UNC13C: variants seen among roughly 807,000 people sequenced by gnomAD.
The protein encoded by UNC13C is unc-13 homolog C, also known as protein unc-13 homolog C.
UNC13C carries 174 observed loss-of-function variants against 245.4 expected under a neutral mutation model. The ratio of observed to expected loss-of-function variants is 0.71; its 90% CI spans 0.63 to 0.80. The LOEUF is 0.80. Ranked by LOEUF, UNC13C falls within the 30% of genes least tolerant of loss-of-function variation. The pLI, the probability that UNC13C is intolerant of heterozygous loss-of-function variation, is 0.00. For missense variants in UNC13C, 2,829 were observed against 2,602.9 expected (o/e 1.09, Z -1.89); for synonymous variants, 992 against 895.1 (o/e 1.11, Z -1.93).
rs147709671 is a variant in UNC13C, at chr15:54,295,042, A to C, written c.3988+978A>C. Among the ~76,000 whole-genome samples, 8 of 152,266 alleles carry C rather than the reference A, an allele frequency of 5.3e-5. No homozygotes were observed. In the East Asian group the frequency reaches 1.5e-3, roughly 29 times the overall value. ...GTTAAACTAAGAACTAATTATTAAA[A>C]CTATCTTAAGAAATCTTCCTTAAAG... On this transcript the variant is annotated intron_variant, in intron 11 of 32. Transcript: ENST00000260323.
At chr15:54,398,786 T>C (rs2040122181) in intron 18 of UNC13C, among the ~76,000 whole-genome samples, 1 of 151,452 alleles carries the variant, frequency 6.6e-6, no homozygotes. Flanking sequence ...TTTTTATGTC[T>C]ATTAAATCTG....
chr15:54,424,739 A>G (rs1231030343), intron 19 of UNC13C, among the ~76,000 whole-genome samples: 1 of 151,760 alleles, frequency 6.6e-6, no homozygotes, highest in Non-Finnish European at 1.5e-5. Flanking sequence ...TGGCATTTTT[A>G]GAATCATAGT....
At chr15:54,029,120 T>A (rs1896247982) in intron 2 of UNC13C, among the ~76,000 whole-genome samples, 1 of 152,218 alleles carries the variant, frequency 6.6e-6, no homozygotes, top group African/African-American at 2.4e-5. Flanking sequence ...TTGTGATTAT[T>A]TTTGGGTTTG....
At chr15:53,892,455 T>A in the UNC13C span, among the ~76,000 whole-genome samples, 1 of 152,226 alleles carries the variant, frequency 6.6e-6, no homozygotes, top group African/African-American at 2.4e-5. Context: ...TCCTGGATAA[T>A]ATCCTGAAGA....
chr15:54,177,664 G>A (rs1188579026), intron 4 of UNC13C, among the ~76,000 whole-genome samples: 1 of 152,052 alleles, frequency 6.6e-6, no homozygotes, highest in African/African-American at 2.4e-5. Flanking sequence ...TTTTATGTAG[G>A]CATGATATGT....
At chr15:53,928,148 G>A in the UNC13C span, among the ~76,000 whole-genome samples, 2,546 of 152,214 alleles carry the variant, frequency 0.017, 110 homozygotes, top group East Asian at 0.14. Context: ...GTGTGAAGTG[G>A]GAAATCAGGG....
At chr15:54,557,103 T>C (rs1287553437) in intron 29 of UNC13C, among the ~76,000 whole-genome samples, 1 of 152,182 alleles carries the variant, frequency 6.6e-6, no homozygotes, top group East Asian at 1.9e-4. Flanking sequence ...TAATTCAGTC[T>C]CAGACACCAG....
chr15:54,186,458 CTG>C (rs2033987275), intron 4 of UNC13C, among the ~76,000 whole-genome samples: 1 of 152,108 alleles, frequency 6.6e-6, no homozygotes, highest in East Asian at 1.9e-4. Context: ...CACAAAATAA[CTG>C]TATGTAATCA....
chr15:54,627,470 G>GT lies in UNC13C; in HGVS notation c.*357_*358insT, dbSNP rs1165505920. On this transcript the variant is annotated 3_prime_UTR_variant, in exon 33 of 33. Coordinates refer to ENST00000260323, the MANE Select transcript of UNC13C (RefSeq NM_001080534.3). ...ATGAGATTATATTGCCCATAGATCAGAAAACATTTATTACTCAATTTCCAT... is the reference window on the plus strand; with the variant it reads ...ATGAGATTATATTGCCCATAGATCAGTAAAACATTTATTACTCAATTTCCAT... The GT allele has an allele frequency of 6.0e-6, 1 of 166,436 alleles. No homozygotes were observed. The highest frequency in any genetic ancestry group is 1.3e-5 in the Non-Finnish European group (1 of 76,846). 10.3% of individuals were successfully genotyped at this position (166,436 alleles called of 1,614,324 possible).
At chr15:54,001,772 A>G (rs963750019) in intron 1 of UNC13C, among the ~76,000 whole-genome samples, 2 of 152,188 alleles carry the variant, frequency 1.3e-5, no homozygotes, top group African/African-American at 4.8e-5. Flanking sequence ...GTTTGCTCAA[A>G]GTGCTCCGTG....
At chr15:54,387,267 A>G (rs934595233) in intron 17 of UNC13C, among the ~76,000 whole-genome samples, 2 of 152,154 alleles carry the variant, frequency 1.3e-5, no homozygotes, top group African/African-American at 4.8e-5. Flanking sequence ...CCAGTTAGCT[A>G]GATTTATAGC....
At chr15:54,029,569 CAG>C (rs1439082150) in intron 2 of UNC13C, among the ~76,000 whole-genome samples, 3 of 152,060 alleles carry the variant, frequency 2.0e-5, no homozygotes, top group African/African-American at 7.2e-5. Context: ...AGAGAAGACA[CAG>C]AAAAATAAAT....
chr15:54,458,420 T>C (rs1264717015), intron 19 of UNC13C, among the ~76,000 whole-genome samples: 1 of 152,142 alleles, frequency 6.6e-6, no homozygotes, highest in Non-Finnish European at 1.5e-5. Context: ...AGGGTATAAT[T>C]TAAGTCCATT....
intron 7 of UNC13C, among the ~76,000 whole-genome samples, chr15:54,241,632 A>G (rs563339619): frequency 5.3e-5 from 8 of 152,238 alleles, no homozygotes; most frequent in Non-Finnish European, 1.0e-4. Flanking sequence ...GAAAGTAATA[A>G]TAGTTACCTC....
intron 4 of UNC13C, among the ~76,000 whole-genome samples, chr15:54,149,100 C>G (rs1309217271): frequency 1.3e-5 from 2 of 152,080 alleles, no homozygotes; most frequent in Non-Finnish European, 2.9e-5. Flanking sequence ...GGCAATTCCC[C>G]CTGTCCCTGG....
At chr15:54,151,175 T>G (rs1400800469) in intron 4 of UNC13C, among the ~76,000 whole-genome samples, 2 of 152,160 alleles carry the variant, frequency 1.3e-5, no homozygotes, top group South Asian at 2.1e-4. Context: ...TCGGGTAATA[T>G]TAGAAAATAG....
intron 25 of UNC13C, among the ~76,000 whole-genome samples, chr15:54,531,203 G>A (rs139907588): frequency 1.3e-5 from 2 of 152,238 alleles, no homozygotes; most frequent in African/African-American, 4.8e-5. Context: ...AGTCAGGTCT[G>A]CAGATGTGAA....
intron 30 of UNC13C, among the ~76,000 whole-genome samples, chr15:54,613,675 A>T (rs1449967704): frequency 3.3e-5 from 5 of 152,016 alleles, no homozygotes; most frequent in Non-Finnish European, 5.9e-5. Context: ...TTCTTTTTTA[A>T]AAAGCTAAAA....
chr15:54,104,146 A>G (rs1044349462), intron 2 of UNC13C, among the ~76,000 whole-genome samples: 13 of 152,178 alleles, frequency 8.5e-5, no homozygotes, highest in African/African-American at 3.1e-4. Context: ...TGCTCTGGAT[A>G]CTTGCTGTAC....
Sources: gnomAD v4.1 joint callset for allele counts (sites outside exome capture counted in the v4.1 genomes callset) on GRCh38, gnomAD v4.1.1 for gene constraint, MANE v1.5 for transcripts, NCBI Gene and HGNC (gene_info 2026-07-23, HGNC 2026-07-21) for gene names.